PRRC2C: variants seen among roughly 807,000 people sequenced by gnomAD.
PRRC2C encodes the protein proline rich coiled-coil 2C.
PRRC2C carries 72 observed loss-of-function variants against 317.2 expected under a neutral mutation model. That is an observed-to-expected ratio of 0.23 (90% CI 0.19 to 0.28). The LOEUF (loss-of-function observed/expected upper bound fraction) is 0.28, where lower values mean the gene tolerates loss of function less well. PRRC2C is among the 10% of genes least tolerant of loss of function. The pLI is 1.00. For missense variants in PRRC2C, 3,074 were observed against 3,459.7 expected (o/e 0.89, Z 2.80); for synonymous variants, 1,296 against 1,205.9 (o/e 1.07, Z -1.55).
intron 1 of PRRC2C, among the ~76,000 whole-genome samples, chr1:171,486,838 C>CA (rs1215592561): frequency 1.3e-5 from 2 of 152,174 alleles, no homozygotes; most frequent in African/African-American, 4.8e-5. Flanking sequence ...AGCCTAACCC[C>CA]ACCATTTTTC....
intron 9 of PRRC2C, among the ~76,000 whole-genome samples, chr1:171,524,301 G>T (rs1674153573): frequency 6.6e-6 from 1 of 152,008 alleles, no homozygotes; most frequent in African/African-American, 2.4e-5. Flanking sequence ...GGAATATATG[G>T]GTTATATATC....
At chr1:171,517,022 G>C (rs1672507287) in intron 5 of PRRC2C, among the ~76,000 whole-genome samples, 1 of 152,222 alleles carries the variant, frequency 6.6e-6, no homozygotes, top group Non-Finnish European at 1.5e-5. Context: ...GTAAATACCA[G>C]AAGATAAAGA....
rs757841471 is a variant in PRRC2C, at chr1:171,537,350, C to G, written c.2381C>G (p.Ser794Cys). The change falls in exon 15 of 35, where the codon TCT becomes TGT. Residue 794 changes from serine to cysteine, a missense_variant. By Grantham distance (112) the Ser-to-Cys change is moderately radical. Transcript: ENST00000647382. ...SSESFEHIAR[S>C]ARDHAISLSE... ...GAGTCATTTGAGCATATAGCTCGAT[C>G]TGCAAGAGATCACGCAATTTCCCTT... 17 of 1,595,590 alleles carry G rather than the reference C, an allele frequency of 1.1e-5. No homozygotes were observed. Among genetic ancestry groups the G allele is most frequent in the Non-Finnish European group, 1.5e-5 (17 of 1,170,294 alleles).
Position 171,577,488 on chromosome 1 carries a change from A to T in PRRC2C, c.7010A>T (p.Asp2337Val), listed in dbSNP as rs1647288272. The T allele has an allele frequency of 6.2e-7, 1 of 1,612,976 alleles. No homozygotes were observed. Among genetic ancestry groups the T allele is most frequent in the African/African-American group, 1.3e-5 (1 of 74,856 alleles). Reference protein sequence around the residue: ...SLSTKSTTTSDPPNICKVKPQ... With the variant: ...SLSTKSTTTSVPPNICKVKPQ... ...AGCACAAAATCTACAACCACATCGG[A>T]CCCTCCAAATATTTGTAAAGTGAAA... The change falls in exon 26 of 35, where the codon GAC (aspartate) becomes GTC (valine). Residue 2337 changes from aspartate to valine, a missense_variant. Physicochemically the swap from Asp to Val is radical, Grantham distance 152. Transcript: ENST00000647382.
chr1:171,562,585 A>G (rs1434881911), intron 20 of PRRC2C, among the ~76,000 whole-genome samples: 2 of 152,224 alleles, frequency 1.3e-5, no homozygotes, highest in South Asian at 2.1e-4. Flanking sequence ...AAGATTTACT[A>G]AAGTGTTAAA....
chr1:171,537,340 A>G lies in PRRC2C; in HGVS notation c.2371A>G (p.Ile791Val), dbSNP rs1211925016. The change falls in exon 15 of 35, where the codon ATA becomes GTA. Residue 791 changes from isoleucine (I) to valine (V), a missense_variant. Around this residue, in one of 11 missense-constraint regions of PRRC2C, gnomAD observed 1,320 missense variants for 1,395.7 expected, o/e 0.95. Transcript: ENST00000647382. Reference sequence around the variant, plus strand: ...GAACAGTTCTGAGTCATTTGAGCATATAGCTCGATCTGCAAGAGATCACGC... The same window carrying G: ...GAACAGTTCTGAGTCATTTGAGCATGTAGCTCGATCTGCAAGAGATCACGC... The part of the protein sequence containing the change: ...SPNSSESFEH[I>V]ARSARDHAIS... The G allele has an allele frequency of 6.3e-7, 1 of 1,597,802 alleles. No homozygotes were observed. Among genetic ancestry groups the G allele is most frequent in the South Asian group, 1.1e-5 (1 of 87,848 alleles).
At chr1:171,491,340 C>G (rs1667107841) in intron 1 of PRRC2C, among the ~76,000 whole-genome samples, 3 of 152,212 alleles carry the variant, frequency 2.0e-5, no homozygotes. Context: ...CCCAAAGATG[C>G]TGGACTGAAG....
In PRRC2C at chr1:171,550,172, G is replaced by T; in HGVS notation, c.5059G>T (p.Val1687Leu). ...GAATGATGATGGTTTTACTGAAGTG[G>T]TATCCAAAAAACAACAAAAACGTTT... The part of the protein sequence containing the change: ...NLNDDGFTEV[V>L]SKKQQKRLQD... The change falls in exon 18 of 35, where the codon GTA (valine) becomes TTA (leucine). Residue 1687 changes from valine (V) to leucine (L), a missense_variant. By Grantham distance (32) the Val-to-Leu change is conservative. This residue lies in a region of PRRC2C where 640 missense variants were observed against 676.1 expected (regional missense o/e 0.95). Transcript: ENST00000647382. 1.9e-6 allele frequency: 3 copies of T among 1,607,238 alleles called. No individual in the cohort carries two copies. Among genetic ancestry groups the T allele is most frequent in the Non-Finnish European group, 2.6e-6 (3 of 1,176,396 alleles).
At chr1:171,546,288 A>G (rs1255287976) in intron 17 of PRRC2C, among the ~76,000 whole-genome samples, 1 of 152,268 alleles carries the variant, frequency 6.6e-6, no homozygotes, top group East Asian at 1.9e-4. Context: ...TGTAAAATGT[A>G]CTATTTGCCA....
At chr1:171,527,978 T>C (rs1674972074) in intron 11 of PRRC2C, 134 bp downstream of exon 11, 1 of 658,054 alleles carries the variant, frequency 1.5e-6, no homozygotes, top group South Asian at 1.9e-5. Context: ...CTTACATGTC[T>C]TACTCTTCAT....
intron 14 of PRRC2C, among the ~76,000 whole-genome samples, chr1:171,536,918 A>G (rs1676942913): frequency 6.6e-6 from 1 of 152,154 alleles, no homozygotes; most frequent in Non-Finnish European, 1.5e-5. Context: ...TCATAGTATA[A>G]TTTTCATGAT....
intron 28 of PRRC2C, among the ~76,000 whole-genome samples, chr1:171,581,332 G>C (rs1032251981): frequency 1.3e-5 from 2 of 152,192 alleles, no homozygotes; most frequent in African/African-American, 4.8e-5. Flanking sequence ...TGTATTGGCT[G>C]CTTGAAACAC....
At position 171,568,318 on chromosome 1, in the gene PRRC2C, G is replaced by T; in HGVS notation, c.6630G>T (p.Met2210Ile). ...PNTVATNNTK[M>I]EDTLVNNVPL... is the part of the protein sequence containing the mutation. ...CCGTGGCTACTAATAATACAAAGATGGAGGATACTTTGGTTAATAATGTAA... is the reference window on the plus strand; with the variant it reads ...CCGTGGCTACTAATAATACAAAGATTGAGGATACTTTGGTTAATAATGTAA... Residue 2210 changes from methionine to isoleucine, a missense_variant, in exon 23 of 35, where the codon ATG (methionine) becomes ATT (isoleucine). Met to Ile is a conservative substitution (Grantham distance 10). Coordinates refer to ENST00000647382, the MANE Select transcript of PRRC2C (RefSeq NM_001387844.1). 1.2e-6 allele frequency: 2 copies of T among 1,605,102 alleles called. No homozygotes were observed. The highest frequency in any genetic ancestry group is 1.7e-6 in the Non-Finnish European group (2 of 1,175,126).
chr1:171,495,085 A>T (rs556416196), intron 1 of PRRC2C, among the ~76,000 whole-genome samples: 1 of 152,310 alleles, frequency 6.6e-6, no homozygotes, highest in Admixed American at 6.5e-5. Context: ...TCGTTTGTTA[A>T]TGTTTGTCTT....
Position 171,500,006 on chromosome 1 carries a change from GAGTATAC to G in PRRC2C, c.-57-12025_-57-12019del, listed in dbSNP as rs537780801. Among the ~76,000 whole-genome samples, 87 of 152,252 alleles carry G rather than the reference GAGTATAC, an allele frequency of 5.7e-4. 2 individuals carry two copies. In the South Asian group the frequency reaches 0.018, roughly 31 times the overall value. On this transcript the variant is annotated intron_variant, in intron 1 of 34. Transcript: ENST00000647382. ...ACAAATGTTCTGTAAAACACTTGTA[GAGTATAC>G]TTCTCTGGAAATTGTTGTCGTTCAT...
In PRRC2C at chr1:171,566,269, G is replaced by A; in HGVS notation, c.6154G>A (p.Gly2052Arg). 6.2e-7 allele frequency: 1 copy of A among 1,611,624 alleles called. No individual in the cohort carries two copies. Among genetic ancestry groups the A allele is most frequent in the East Asian group, 2.2e-5 (1 of 44,832 alleles). ...KNGQESGLEI[G>R]TDTIQFGAPA... Reference sequence around the variant, plus strand: ...TGGTCAAGAAAGTGGACTCGAAATTGGAACTGACACAATTCAGTTTGGTGC... The same window carrying A: ...TGGTCAAGAAAGTGGACTCGAAATTAGAACTGACACAATTCAGTTTGGTGC... Residue 2052 changes from glycine to arginine, a missense_variant, in exon 21 of 35, where the codon GGA becomes AGA. Gly to Arg is a moderately radical substitution (Grantham distance 125, BLOSUM62 -2). Coordinates refer to ENST00000647382, the MANE Select transcript of PRRC2C (RefSeq NM_001387844.1).
At chr1:171,591,521 C>T in intron 34 of PRRC2C, 66 bp from the exon 35 acceptor site, 1 of 1,559,226 alleles carries the variant, frequency 6.4e-7, no homozygotes, top group South Asian at 1.2e-5. Context: ...GAATTTGAAC[C>T]AAGATTGATT....
chr1:171,547,262 T>C (rs1321931963), intron 17 of PRRC2C, among the ~76,000 whole-genome samples: 1 of 152,192 alleles, frequency 6.6e-6, no homozygotes, highest in Non-Finnish European at 1.5e-5. Context: ...TTTTAAGTAA[T>C]ATCTCTAACC....
intron 1 of PRRC2C, among the ~76,000 whole-genome samples, chr1:171,490,182 G>T (rs959539355): frequency 2.6e-5 from 4 of 152,218 alleles, no homozygotes; most frequent in Non-Finnish European, 1.5e-5. Context: ...CTCCCAAAGT[G>T]CTGGGATTAC....
Sources: allele counts gnomAD v4.1 joint callset (sites outside exome capture counted in the v4.1 genomes callset), GRCh38; gene constraint gnomAD v4.1.1; regional missense constraint gnomAD v4.1.1; transcripts MANE v1.5; gene names NCBI Gene and HGNC (gene_info 2026-07-23, HGNC 2026-07-21).